The following MAN1B1 variants were observed in gnomAD, a reference collection of about 807,000 sequenced individuals.
MAN1B1 encodes the protein mannosidase alpha class 1B member 1, also known as endoplasmic reticulum mannosyl-oligosaccharide 1,2-alpha-mannosidase.
Under a neutral mutation model 75.5 loss-of-function variants are expected in MAN1B1, and 66 were observed. The ratio of observed to expected loss-of-function variants is 0.87; its 90% CI spans 0.72 to 1.07. MAN1B1 has a LOEUF of 1.07. Ranked by LOEUF, MAN1B1 falls within the 50% of genes least tolerant of loss-of-function variation. The probability of loss-of-function intolerance (pLI) is 0.00; values close to 1 mark genes in which losing one functional copy is unlikely to be tolerated. For missense variants in MAN1B1, 973 were observed against 912.5 expected (o/e 1.07, Z -0.85); for synonymous variants, 453 against 382.8 (o/e 1.18, Z -2.14).
chr9:137,101,210 C>A lies in MAN1B1; in HGVS notation c.1065+57C>A, dbSNP rs112962666. On this transcript the variant is annotated intron_variant, in intron 7 of 12. Coordinates refer to ENST00000371589, the MANE Select transcript of MAN1B1 (RefSeq NM_016219.5). ...GGTGGACTCGCATTCAAGCAGTTACCCCTTTAGTGGACTTGTGGGGACGTG... is the reference window on the plus strand; with the variant it reads ...GGTGGACTCGCATTCAAGCAGTTACACCTTTAGTGGACTTGTGGGGACGTG... 57 of 1,599,784 alleles carry A rather than the reference C, an allele frequency of 3.6e-5. No individual in the cohort carries two copies. In the African/African-American group the frequency reaches 4.3e-4, roughly 12 times the overall value.
Position 137,086,985 on chromosome 9 carries a change from G to T in MAN1B1, c.-15G>T. ...CGCGTATCCGTGTGATGGGCGGGCT[G>T]TTGACGGCGCTGCGATGGCTGCCTG... On this transcript the variant is annotated 5_prime_UTR_variant, in exon 1 of 13. Transcript: ENST00000371589. 6.3e-7 allele frequency: 1 copy of T among 1,580,568 alleles called. No individual in the cohort carries two copies. Among genetic ancestry groups the T allele is most frequent in the South Asian group, 1.2e-5 (1 of 86,410 alleles).
intron 9 of MAN1B1, 52 bp downstream of exon 9, chr9:137,106,367 C>G (rs1225749492): frequency 6.8e-7 from 1 of 1,463,286 alleles, no homozygotes; most frequent in East Asian, 2.5e-5. Context: ...GTTCCCGCAG[C>G]CCCCCACTCC....
rs1830892017 is a variant in MAN1B1 at position 137,102,651 on chromosome 9, TGCA to T, written c.1254+981_1254+983del. 46 of 443,170 alleles carry T rather than the reference TGCA, an allele frequency of 1.0e-4. 1 individual carries two copies. Among genetic ancestry groups the T allele is most frequent in the South Asian group, 6.8e-4 (43 of 63,634 alleles). 27.5% of individuals were successfully genotyped at this position (443,170 alleles called of 1,614,324 possible). ...TGTTACATTCACGCTGTTGCTGGCGTGCAGGTCGGTGGTGTTACACACATTCAC... is the reference window on the plus strand; with the variant it reads ...TGTTACATTCACGCTGTTGCTGGCGTGGTCGGTGGTGTTACACACATTCAC... On this transcript the variant is annotated intron_variant, in intron 8 of 12. Coordinates refer to ENST00000371589, the MANE Select transcript of MAN1B1 (RefSeq NM_016219.5).
rs1372362870 is a variant in MAN1B1, at chr9:137,096,279, A to T, written c.508A>T (p.Ile170Phe). The stretch of plus-strand genomic sequence containing the variant: ...CCAGCGGGGACCACCTCACCTGCAG[A>T]TTAGACCCCCAAGCCAAGACCTGAA... The part of the protein sequence containing the change: ...HIQRGPPHLQ[I>F]RPPSQDLKDG... Residue 170 changes from isoleucine to phenylalanine, a missense_variant, in exon 4 of 13, where the codon ATT (isoleucine) becomes TTT (phenylalanine). Ile to Phe is a conservative substitution (Grantham distance 21, BLOSUM62 0). Coordinates refer to ENST00000371589, the MANE Select transcript of MAN1B1 (RefSeq NM_016219.5). 1.9e-6 allele frequency: 3 copies of T among 1,614,022 alleles called. No individual in the cohort carries two copies. In the Admixed American group the frequency reaches 5.0e-5, roughly 27 times the overall value.
chr9:137,096,510 C>T (rs1830656993), intron 4 of MAN1B1, 119 bp downstream of exon 4: 6 of 1,328,454 alleles, frequency 4.5e-6, no homozygotes, highest in Middle Eastern at 2.5e-4. Context: ...AGTGTATGCT[C>T]TGTAATCTGT....
At chr9:137,106,880 T>A in intron 10 of MAN1B1, 71 bp downstream of exon 10, 1 of 1,496,522 alleles carries the variant, frequency 6.7e-7, no homozygotes, top group Non-Finnish European at 8.8e-7. Flanking sequence ...TGAGTCATGA[T>A]GTCAAAAAGA....
chr9:137,106,958 C>A, intron 10 of MAN1B1, 149 bp downstream of exon 10: 2 of 1,188,054 alleles, frequency 1.7e-6, no homozygotes, highest in South Asian at 1.5e-5. Context: ...CCAGGCCTGT[C>A]TTGGCAACAG....
At chr9:137,091,567 C>T (rs1269651429) in intron 3 of MAN1B1, among the ~76,000 whole-genome samples, 1 of 123,648 alleles carries the variant, frequency 8.1e-6, no homozygotes, top group Non-Finnish European at 1.7e-5. Flanking sequence ...TCCTCTGTTT[C>T]CCAGGCTGCA....
chr9:137,102,027 G>C (rs867506087), intron 8 of MAN1B1: 8 of 402,294 alleles, frequency 2.0e-5, no homozygotes, highest in South Asian at 1.5e-4. Flanking sequence ...GCTGTTGCAG[G>C]CGTGCAGGTT....
chr9:137,108,447 T>C lies in MAN1B1; in HGVS notation c.1956T>C (p.Pro652=), dbSNP rs75234317. Reference sequence around the variant, plus strand: ...TCCAGGATCCTCAGAAGCCCGAGCCTAGGGACAAGATGGAGAGCTTCTTCC... The same window carrying C: ...TCCAGGATCCTCAGAAGCCCGAGCCCAGGGACAAGATGGAGAGCTTCTTCC... The part of the protein sequence containing the change: ...NNVQDPQKPE[P]RDKMESFFLG... The change falls in exon 13 of 13, where the codon CCT becomes CCC. Residue 652 remains proline (P), a synonymous_variant. Transcript: ENST00000371589. 5.8e-4 allele frequency: 938 copies of C among 1,613,894 alleles called. 4 individuals carry two copies. The African/African-American group carries it at 0.011, about 20-fold the overall frequency.
chr9:137,099,603 T>G, intron 5 of MAN1B1, 93 bp from the exon 6 acceptor site: 3 of 1,379,110 alleles, frequency 2.2e-6, no homozygotes, highest in Non-Finnish European at 3.1e-6. Context: ...CTTTGCCCCA[T>G]GGGGGTCACA....
chr9:137,096,504 T>C, intron 4 of MAN1B1, 113 bp downstream of exon 4: 1 of 1,357,566 alleles, frequency 7.4e-7, no homozygotes, highest in Non-Finnish European at 1.0e-6. Context: ...ACTGACAGTG[T>C]ATGCTCTGTA....
intron 2 of MAN1B1, chr9:137,088,474 C>A: frequency 6.8e-7 from 1 of 1,481,078 alleles, no homozygotes; most frequent in Non-Finnish European, 9.1e-7. Flanking sequence ...TAAATAACCA[C>A]ACAAATTTCG....
chr9:137,088,583 C>A, intron 2 of MAN1B1: 1 of 769,876 alleles, frequency 1.3e-6, no homozygotes, highest in South Asian at 1.6e-5. Flanking sequence ...CTCTTTGGAG[C>A]AAAGCTAAAG....
chr9:137,100,957 T>C lies in MAN1B1; in HGVS notation c.917-48T>C, dbSNP rs754929318. ...AAGATGGATAGATAATAGGAAAACG[T>C]TGGAGCCATCCATTTGTCTCTGCAT... On this transcript the variant is annotated intron_variant, in intron 6 of 12. Coordinates refer to ENST00000371589, the MANE Select transcript of MAN1B1 (RefSeq NM_016219.5). 20 of 1,610,036 alleles carry C rather than the reference T, an allele frequency of 1.2e-5. No individual in the cohort carries two copies. In the East Asian group the frequency reaches 2.7e-4, roughly 22 times the overall value.
chr9:137,094,923 C>T (rs897452362), intron 3 of MAN1B1, among the ~76,000 whole-genome samples: 2 of 151,758 alleles, frequency 1.3e-5, no homozygotes, highest in South Asian at 4.2e-4. Context: ...CATGGTGGCT[C>T]ATGCCTGTAA....
chr9:137,099,914 C>G (rs763524428), intron 6 of MAN1B1, 33 bp downstream of exon 6: 42 of 1,612,674 alleles, frequency 2.6e-5, no homozygotes, highest in Middle Eastern at 1.7e-4. Flanking sequence ...GGGCTGAGCC[C>G]TCCGTGTGGG....
intron 3 of MAN1B1, among the ~76,000 whole-genome samples, chr9:137,093,200 C>T (rs1202435916): frequency 6.6e-6 from 1 of 152,094 alleles, no homozygotes; most frequent in African/African-American, 2.4e-5. Context: ...TTGAGACCAG[C>T]CTGGCCAACA....
In MAN1B1 at chr9:137,106,324, C is replaced by G. The variant is rs1319023855; in HGVS notation, c.1445+9C>G. 6 of 1,546,002 alleles carry G rather than the reference C, an allele frequency of 3.9e-6. No homozygotes were observed. Among genetic ancestry groups the G allele is most frequent in the Non-Finnish European group, 5.2e-6 (6 of 1,145,086 alleles). On this transcript the variant is annotated intron_variant, in intron 9 of 12. Coordinates refer to ENST00000371589, the MANE Select transcript of MAN1B1 (RefSeq NM_016219.5). Reference sequence around the variant, plus strand: ...GGGAAGCAGGAGACACAGTGAGGCCCGGCCCGCTGCCCCCAGCTCCCGCGG... The same window carrying G: ...GGGAAGCAGGAGACACAGTGAGGCCGGGCCCGCTGCCCCCAGCTCCCGCGG...
Sources: gnomAD v4.1 joint callset for allele counts (sites outside exome capture counted in the v4.1 genomes callset) on GRCh38, gnomAD v4.1.1 for gene constraint, MANE v1.5 for transcripts, NCBI Gene and HGNC (gene_info 2026-07-23, HGNC 2026-07-21) for gene names.